ATRNL1: variants seen among roughly 807,000 people sequenced by gnomAD.
The protein encoded by ATRNL1 is attractin-like protein 1.
Under a neutral mutation model 182.7 loss-of-function variants are expected in ATRNL1, and 95 were observed. The ratio of observed to expected loss-of-function variants is 0.52; its 90% CI spans 0.44 to 0.62. ATRNL1 has a LOEUF of 0.62. ATRNL1 is among the 20% of genes least tolerant of loss of function. The pLI, the probability that ATRNL1 is intolerant of heterozygous loss-of-function variation, is 0.00. For missense variants in ATRNL1, 1,471 were observed against 1,679.5 expected, an observed-to-expected ratio of 0.88 and a Z score of 2.17; for synonymous variants, 576 against 568.3, an observed-to-expected ratio of 1.01 and a Z score of -0.19.
chr10:115,605,075 T>G (rs1418747246), intron 26 of ATRNL1, among the ~76,000 whole-genome samples: 1 of 152,198 alleles, frequency 6.6e-6, no homozygotes, highest in African/African-American at 2.4e-5. Context: ...GATGGCTGAT[T>G]ATGCATAACA....
chr10:115,632,118 GAATT>G (rs1858550835), intron 26 of ATRNL1, among the ~76,000 whole-genome samples: 1 of 152,094 alleles, frequency 6.6e-6, no homozygotes, highest in Non-Finnish European at 1.5e-5. Flanking sequence ...AAGAAGGGAA[GAATT>G]AATTCTGGAA....
rs539096779 is a variant in ATRNL1, at chr10:115,341,854, C to T, written c.3175+7435C>T. Among the ~76,000 whole-genome samples, 6 of 151,820 alleles carry T rather than the reference C, an allele frequency of 4.0e-5. No homozygotes were observed. The East Asian group carries it at 1.2e-3, about 29-fold the overall frequency. ...GCTACTCCTATTCTTTTTTGGTTTC[C>T]ATTTGCATGGAATATATTTTTCCAT... is the stretch of plus-strand genomic sequence containing the variant. On this transcript the variant is annotated intron_variant, in intron 19 of 28. Coordinates refer to ENST00000355044, the MANE Select transcript of ATRNL1 (RefSeq NM_207303.4).
intron 28 of ATRNL1, among the ~76,000 whole-genome samples, chr10:115,854,667 C>G (rs1463541038): frequency 6.6e-6 from 1 of 152,184 alleles, no homozygotes; most frequent in Non-Finnish European, 1.5e-5. Flanking sequence ...CCACCATTCC[C>G]CAGACCAGCT....
chr10:115,661,388 T>C (rs1341963762), intron 26 of ATRNL1, among the ~76,000 whole-genome samples: 1 of 152,112 alleles, frequency 6.6e-6, no homozygotes, highest in Non-Finnish European at 1.5e-5. Context: ...ATATACTAAA[T>C]GAAAACAGAA....
At chr10:115,338,821 T>C (rs1171043257) in intron 19 of ATRNL1, among the ~76,000 whole-genome samples, 1 of 152,154 alleles carries the variant, frequency 6.6e-6, no homozygotes, top group East Asian at 1.9e-4. Flanking sequence ...GTCCTGGAGA[T>C]TTTTCCCCAA....
intron 27 of ATRNL1, among the ~76,000 whole-genome samples, chr10:115,799,319 T>C (rs910327138): frequency 2.9e-4 from 44 of 152,206 alleles, no homozygotes; most frequent in Non-Finnish European, 5.7e-4. Context: ...TAGCTTGAAT[T>C]GAAACATGGA....
intron 19 of ATRNL1, among the ~76,000 whole-genome samples, chr10:115,344,607 C>T (rs1275479429): frequency 2.0e-5 from 3 of 152,204 alleles, no homozygotes; most frequent in Non-Finnish European, 4.4e-5. Context: ...CCCAAGACCC[C>T]ACTTGGTGCT....
intron 27 of ATRNL1, among the ~76,000 whole-genome samples, chr10:115,758,596 C>T (rs1948652995): frequency 6.6e-6 from 1 of 152,216 alleles, no homozygotes; most frequent in Non-Finnish European, 1.5e-5. Context: ...AATCTGTATA[C>T]ACGGGGGTGT....
intron 1 of ATRNL1, among the ~76,000 whole-genome samples, chr10:115,111,054 TAGG>T (rs1399967632): frequency 6.6e-6 from 1 of 152,182 alleles, no homozygotes; most frequent in Non-Finnish European, 1.5e-5. Context: ...AAAAAGTGAA[TAGG>T]AGAACTATTT....
chr10:115,443,440 G>C (rs1037626006), intron 21 of ATRNL1, among the ~76,000 whole-genome samples: 1 of 151,792 alleles, frequency 6.6e-6, no homozygotes, highest in Non-Finnish European at 1.5e-5. Flanking sequence ...GATTAATGAT[G>C]AGTTGAATCC....
At chr10:115,315,484 T>C (rs782014603) in intron 17 of ATRNL1, 34 bp from the exon 18 acceptor site, 1 of 1,434,116 alleles carries the variant, frequency 7.0e-7, no homozygotes. Context: ...TATATAGTCA[T>C]GTTAACATAT....
intron 26 of ATRNL1, among the ~76,000 whole-genome samples, chr10:115,593,928 C>T (rs1856069123): frequency 6.6e-6 from 1 of 151,912 alleles, no homozygotes; most frequent in Non-Finnish European, 1.5e-5. Context: ...AATATATATA[C>T]TTTATTTAAT....
At chr10:115,185,687 G>A (rs1025936060) in intron 8 of ATRNL1, among the ~76,000 whole-genome samples, 3 of 152,052 alleles carry the variant, frequency 2.0e-5, no homozygotes, top group Non-Finnish European at 4.4e-5. Context: ...AATCTGTGGG[G>A]GTGGGTATGA....
intron 19 of ATRNL1, among the ~76,000 whole-genome samples, chr10:115,368,110 G>A (rs1261749753): frequency 2.0e-5 from 3 of 152,306 alleles, no homozygotes; most frequent in Admixed American, 6.5e-5. Flanking sequence ...AATGGCGGGC[G>A]CCCCTCCCCC....
chr10:115,899,533 C>T (rs1555113230), intron 28 of ATRNL1, among the ~76,000 whole-genome samples: 2 of 152,148 alleles, frequency 1.3e-5, no homozygotes, highest in African/African-American at 4.8e-5. Flanking sequence ...GTCTCAAACT[C>T]CCAACCTCAG....
intron 2 of ATRNL1, among the ~76,000 whole-genome samples, 190 bp downstream of exon 2, chr10:115,120,458 A>G (rs1303683305): frequency 1.3e-5 from 2 of 151,952 alleles, no homozygotes; most frequent in Non-Finnish European, 2.9e-5. Context: ...CAGTAGTTTA[A>G]TTTTTATATA....
chr10:115,743,166 C>T (rs1466491238), intron 27 of ATRNL1, among the ~76,000 whole-genome samples: 2 of 139,102 alleles, frequency 1.4e-5, no homozygotes, highest in African/African-American at 2.7e-5. Context: ...ATGGGGATTA[C>T]GGGAACTACA....
At chr10:115,419,425 A>G (rs1192854898) in intron 20 of ATRNL1, among the ~76,000 whole-genome samples, 4 of 152,212 alleles carry the variant, frequency 2.6e-5, no homozygotes, top group African/African-American at 4.8e-5. Flanking sequence ...GTCATCCCTT[A>G]CCTATCAATA....
chr10:115,230,452 C>A lies in ATRNL1; in HGVS notation c.1533-11119C>A, dbSNP rs564910273. Among the ~76,000 whole-genome samples, 41 of 152,184 alleles carry A rather than the reference C, an allele frequency of 2.7e-4. No individual in the cohort carries two copies. The South Asian group carries it at 8.3e-3, about 31-fold the overall frequency. On this transcript the variant is annotated intron_variant, in intron 9 of 28. Coordinates refer to ENST00000355044, the MANE Select transcript of ATRNL1 (RefSeq NM_207303.4). ...TGCAAAAGCCTTGAGATGGGAACAT[C>A]CTTGTCATCTGGAACAGCAAAGGGG...
Sources: allele counts gnomAD v4.1 joint callset (sites outside exome capture counted in the v4.1 genomes callset), GRCh38; gene constraint gnomAD v4.1.1; transcripts MANE v1.5; gene names NCBI Gene and HGNC (gene_info 2026-07-23, HGNC 2026-07-21).